The following DOCK1 variants were observed in gnomAD, a reference collection of about 807,000 sequenced individuals.
DOCK1 encodes dedicator of cytokinesis 1, also known as dedicator of cytokinesis protein 1.
In DOCK1, 138 loss-of-function variants were observed where a neutral mutation model predicts 262.7. That is an observed-to-expected ratio of 0.53 (90% CI 0.46 to 0.61). The LOEUF is 0.61. Ranked by LOEUF, DOCK1 falls within the 20% of genes least tolerant of loss-of-function variation. DOCK1 has a pLI of 0.00. For missense variants in DOCK1, 1,908 were observed against 2,370.7 expected (o/e 0.80, Z 4.05); for synonymous variants, 866 against 867.4 (o/e 1.00, Z 0.03).
chr10:127,318,274 G>T (rs2062370144), intron 29 of DOCK1, among the ~76,000 whole-genome samples: 1 of 152,228 alleles, frequency 6.6e-6, no homozygotes, highest in Non-Finnish European at 1.5e-5. Flanking sequence ...TGTGGAGCCT[G>T]TTTTCTGGGA....
chr10:127,253,001 CAGTG>C (rs2059705368), intron 28 of DOCK1, among the ~76,000 whole-genome samples: 1 of 152,098 alleles, frequency 6.6e-6, no homozygotes, highest in Non-Finnish European at 1.5e-5. Flanking sequence ...ACACCAGTGA[CAGTG>C]AGCATATAGA....
In DOCK1 at chr10:127,176,459, G is replaced by A. The variant is rs530492379; in HGVS notation, c.2847+48695G>A. 30 of 1,396,668 alleles carry A rather than the reference G, an allele frequency of 2.1e-5. No homozygotes were observed. In the African/African-American group the frequency reaches 2.4e-4, roughly 11 times the overall value. 86.5% of individuals were successfully genotyped at this position (1,396,668 alleles called of 1,614,324 possible). The stretch of plus-strand genomic sequence containing the variant: ...GGACAGAAATACACACTCAAGCACC[G>A]GCCGCACAAACTTTTAGCCACCACG... On this transcript the variant is annotated intron_variant, in intron 27 of 51. Transcript: ENST00000623213. The surrounding 1 kb of genome is among the most constrained non-coding windows in gnomAD (Gnocchi z 4.4).
At chr10:126,966,422 C>T (rs1260469976) in intron 1 of DOCK1, among the ~76,000 whole-genome samples, 2 of 152,112 alleles carry the variant, frequency 1.3e-5, no homozygotes, top group African/African-American at 4.8e-5. Context: ...TGCCCAGTGG[C>T]GGGATTGCTG....
intron 23 of DOCK1, among the ~76,000 whole-genome samples, chr10:127,079,578 G>T (rs2046778009): frequency 6.6e-6 from 1 of 152,284 alleles, no homozygotes; most frequent in Admixed American, 6.5e-5. Flanking sequence ...CTTTAGAAGT[G>T]TTGTTCCTTT....
intron 37 of DOCK1, among the ~76,000 whole-genome samples, chr10:127,383,231 A>G (rs776020675): frequency 6.6e-6 from 1 of 152,186 alleles, no homozygotes; most frequent in African/African-American, 2.4e-5. Context: ...CTAGCAATCA[A>G]ATTATTACAT....
rs1245972430 is a variant in DOCK1, at chr10:127,179,056, G to A, written c.2847+51292G>A. Among the ~76,000 whole-genome samples, 3 of 152,200 alleles carry A rather than the reference G, an allele frequency of 2.0e-5. No homozygotes were observed. The East Asian group carries it at 5.8e-4, about 29-fold the overall frequency. ...CCTTCATACTAGGGAAAATTTGAAA[G>A]AGAGAGCATTTTTACAAAAAGCAAT... On this transcript the variant is annotated intron_variant, in intron 27 of 51. Coordinates refer to ENST00000623213, the MANE Select transcript of DOCK1 (RefSeq NM_001290223.2).
chr10:127,016,448 G>T (rs9418778), intron 12 of DOCK1: 61,513 of 152,158 alleles, frequency 0.4, 12,708 homozygotes, highest in African/African-American at 0.48. Flanking sequence ...AATCAAGCAG[G>T]GCTGCTCCCG....
intron 50 of DOCK1, among the ~76,000 whole-genome samples, chr10:127,445,989 G>A (rs1172757780): frequency 4.6e-5 from 7 of 152,214 alleles, no homozygotes; most frequent in Admixed American, 1.3e-4. Context: ...CATGGCTCAC[G>A]CCTGTCATCC....
rs575096192 is a variant in DOCK1 at position 127,012,169 on chromosome 10, C to T, written c.1059-63C>T. 27 of 837,268 alleles carry T rather than the reference C, an allele frequency of 3.2e-5. No homozygotes were observed. The highest frequency in any genetic ancestry group is 1.5e-4 in the African/African-American group (9 of 60,138). The allele number at this position is 837,268 out of a possible 1,614,324, so 51.9% of individuals were successfully genotyped here. A position where few individuals can be genotyped will look rare whatever the true frequency, so the allele number is the denominator to read the frequency against. On this transcript the variant is annotated intron_variant, in intron 11 of 51. Coordinates refer to ENST00000623213, the MANE Select transcript of DOCK1 (RefSeq NM_001290223.2). This position sits in a 1 kb window ranked among gnomAD's most constrained non-coding sequence, Gnocchi z 4.0. Reference sequence around the variant, plus strand: ...ATGATCTCTTATGTTCCCTTGTTACCGTGGCCCATGGGTCTCTGTGCCCCT... The same window carrying T: ...ATGATCTCTTATGTTCCCTTGTTACTGTGGCCCATGGGTCTCTGTGCCCCT...
intron 29 of DOCK1, among the ~76,000 whole-genome samples, chr10:127,259,724 C>A (rs1219070474): frequency 6.6e-6 from 1 of 151,978 alleles, no homozygotes; most frequent in African/African-American, 2.4e-5. Flanking sequence ...AAGTTGCATT[C>A]ATGTCGCTCC....
intron 27 of DOCK1, among the ~76,000 whole-genome samples, chr10:127,234,214 C>A (rs2058960868): frequency 6.6e-6 from 1 of 152,006 alleles, no homozygotes; most frequent in African/African-American, 2.4e-5. Flanking sequence ...AGAATTAAGA[C>A]CTACAGTGAT....
intron 13 of DOCK1, 138 bp downstream of exon 13, chr10:127,018,973 G>T: frequency 1.5e-6 from 2 of 1,299,938 alleles, no homozygotes; most frequent in South Asian, 3.0e-5. Context: ...GTAAGCCCCA[G>T]CATGGTTATG....
At position 126,952,238 on chromosome 10, in the gene DOCK1, GT is replaced by G. The variant is rs1207562251; in HGVS notation, c.47-18462del. On this transcript the variant is annotated intron_variant, in intron 1 of 51. Coordinates refer to ENST00000623213, the MANE Select transcript of DOCK1 (RefSeq NM_001290223.2). Reference sequence around the variant, plus strand: ...CGGTAGTATTGTTATTGTTGGTAGTGTTGTAGGTGATGGTGATGGTAATAGC... The same window carrying G: ...CGGTAGTATTGTTATTGTTGGTAGTGTGTAGGTGATGGTGATGGTAATAGC... Among the ~76,000 whole-genome samples the G allele has an allele frequency of 5.2e-3, 795 of 152,154 alleles. 12 individuals are homozygous for G. The highest frequency in any genetic ancestry group is 0.018 in the African/African-American group (759 of 41,516).
intron 1 of DOCK1, among the ~76,000 whole-genome samples, chr10:126,953,644 A>C (rs944199148): frequency 1.3e-5 from 2 of 152,102 alleles, no homozygotes; most frequent in South Asian, 2.1e-4. Flanking sequence ...CCTTCGTGGC[A>C]TAGGCCTCCT....
chr10:127,047,737 A>G (rs2044443857), intron 21 of DOCK1, among the ~76,000 whole-genome samples: 1 of 152,108 alleles, frequency 6.6e-6, no homozygotes, highest in African/African-American at 2.4e-5. Context: ...CTGTTCTTAA[A>G]CTTTACACCA....
intron 27 of DOCK1, among the ~76,000 whole-genome samples, chr10:127,164,222 C>T (rs1433390423): frequency 8.5e-6 from 1 of 118,202 alleles, no homozygotes; most frequent in Non-Finnish European, 1.6e-5. Context: ...CCTGCTCTGT[C>T]ACCCAGGCTG....
chr10:127,222,382 A>G (rs989966984), intron 27 of DOCK1, among the ~76,000 whole-genome samples: 8 of 152,124 alleles, frequency 5.3e-5, no homozygotes, highest in East Asian at 3.9e-4. Flanking sequence ...CTCTCTCTCA[A>G]TATGTTGTAG....
At position 127,000,279 on chromosome 10, in the gene DOCK1, G is replaced by A. The variant is rs551725502; in HGVS notation, c.957G>A (p.Ser319=). ...LRDNNTRKLT[S]GLRRPFGVAV... Reference sequence around the variant, plus strand: ...ACAACAACACCAGGAAACTGACCTCGGGGTTGCGGCGACCTTTTGGAGTGG... The same window carrying A: ...ACAACAACACCAGGAAACTGACCTCAGGGTTGCGGCGACCTTTTGGAGTGG... Residue 319 remains serine, a synonymous_variant, in exon 10 of 52, where the codon TCG becomes TCA. Coordinates refer to ENST00000623213, the MANE Select transcript of DOCK1 (RefSeq NM_001290223.2). 1.8e-5 allele frequency: 29 copies of A among 1,614,024 alleles called. No homozygotes were observed. In the African/African-American group the frequency reaches 3.2e-4, roughly 18 times the overall value.
chr10:127,193,159 G>T (rs1203170199), intron 27 of DOCK1, among the ~76,000 whole-genome samples: 2 of 152,164 alleles, frequency 1.3e-5, no homozygotes, highest in African/African-American at 4.8e-5. Flanking sequence ...CTAATTTCTG[G>T]TTGGGGAATG....
Sources: gnomAD v4.1 joint callset for allele counts (sites outside exome capture counted in the v4.1 genomes callset) on GRCh38, gnomAD v4.1.1 for gene constraint, Gnocchi (gnomAD v3.1) non-coding constraint, MANE v1.5 for transcripts, NCBI Gene and HGNC (gene_info 2026-07-23, HGNC 2026-07-21) for gene names.